The following SLC24A2 variants were observed in gnomAD, a reference collection of about 807,000 sequenced individuals.
SLC24A2 encodes the protein solute carrier family 24 member 2.
In SLC24A2, 36 loss-of-function variants were observed where a neutral mutation model predicts 62.0. The ratio of observed to expected loss-of-function variants is 0.58; its 90% confidence interval spans 0.44 to 0.77. The LOEUF (loss-of-function observed/expected upper bound fraction) is 0.77, where lower values mean the gene tolerates loss of function less well. SLC24A2 is among the 30% of genes least tolerant of loss of function. SLC24A2 has a pLI of 0.00. For missense variants in SLC24A2, 846 were observed against 817.9 expected, an observed-to-expected ratio of 1.03 and a Z score of -0.42; for synonymous variants, 358 against 294.0, an observed-to-expected ratio of 1.22 and a Z score of -2.23.
chr9:19,722,629 T>A (rs1199545461), intron 2 of SLC24A2, among the ~76,000 whole-genome samples: 1 of 145,882 alleles, frequency 6.9e-6, no homozygotes, highest in Non-Finnish European at 1.5e-5. Flanking sequence ...GTGAATTAGG[T>A]TCTCTGGGAA....
chr9:19,780,275 CTTTTTT>C (rs10645333), intron 2 of SLC24A2, among the ~76,000 whole-genome samples: 1 of 147,026 alleles, frequency 6.8e-6, no homozygotes, highest in South Asian at 2.2e-4. Context: ...TTTTCTTTTT[CTTTTTT>C]TTTTGAGATG....
At chr9:20,186,155 GA>G in the SLC24A2 span, among the ~76,000 whole-genome samples, 9 of 152,218 alleles carry the variant, frequency 5.9e-5, no homozygotes, top group East Asian at 1.7e-3. Flanking sequence ...TAATAGGGGG[GA>G]CTCTTTAGGA....
intron 2 of SLC24A2, among the ~76,000 whole-genome samples, chr9:19,748,944 G>T (rs763247085): frequency 6.6e-6 from 1 of 151,694 alleles, no homozygotes; most frequent in Admixed American, 6.6e-5. Context: ...ACAGGTTGCT[G>T]TACCAGATTG....
chr9:20,197,427 C>CTTTTTTTTT, the SLC24A2 span, among the ~76,000 whole-genome samples: 10 of 93,154 alleles, frequency 1.1e-4, no homozygotes, highest in African/African-American at 1.8e-4. Flanking sequence ...CTCTCTCTCT[C>CTTTTTTTTT]TTTTTTTTTT....
chr9:20,195,274 A>G, the SLC24A2 span, among the ~76,000 whole-genome samples: 2 of 152,090 alleles, frequency 1.3e-5, no homozygotes, highest in African/African-American at 2.4e-5. Flanking sequence ...ACTATTATTT[A>G]TACACACATT....
At chr9:19,889,466 T>TC in the SLC24A2 span, among the ~76,000 whole-genome samples, 2 of 117,364 alleles carry the variant, frequency 1.7e-5, no homozygotes, top group Non-Finnish European at 3.6e-5. Context: ...CCTTAGTAGT[T>TC]CCAAAACAGT....
chr9:19,574,093 G>A (rs1358882950), intron 6 of SLC24A2, among the ~76,000 whole-genome samples: 3 of 152,062 alleles, frequency 2.0e-5, no homozygotes, highest in Admixed American at 6.5e-5. Context: ...AAGAGGGTTC[G>A]ACAGGTTGAC....
chr9:20,213,832 T>C, the SLC24A2 span, among the ~76,000 whole-genome samples: 1 of 152,246 alleles, frequency 6.6e-6, no homozygotes, highest in South Asian at 2.1e-4. Context: ...TTCTGCTTTA[T>C]ACTAGGTGCT....
chr9:19,612,272 A>C (rs1041591912), intron 4 of SLC24A2, among the ~76,000 whole-genome samples: 1 of 152,220 alleles, frequency 6.6e-6, no homozygotes, highest in Non-Finnish European at 1.5e-5. Context: ...TTTAACTGGC[A>C]CTTATTCTCT....
chr9:19,776,448 T>C (rs1399708264), intron 2 of SLC24A2, among the ~76,000 whole-genome samples: 1 of 152,236 alleles, frequency 6.6e-6, no homozygotes, highest in Non-Finnish European at 1.5e-5. Flanking sequence ...CTGCCTACTT[T>C]TCAAATCCCT....
At chr9:20,299,623 G>C in the SLC24A2 span, among the ~76,000 whole-genome samples, 56 of 152,318 alleles carry the variant, frequency 3.7e-4, no homozygotes, top group South Asian at 0.011. Context: ...TGAAGACCCA[G>C]AGTGATCCAT....
chr9:20,161,538 G>C, the SLC24A2 span, among the ~76,000 whole-genome samples: 1 of 151,128 alleles, frequency 6.6e-6, no homozygotes, highest in Non-Finnish European at 1.5e-5. Flanking sequence ...TATCAAGTGA[G>C]GTTTATCTAA....
chr9:20,076,204 G>C, the SLC24A2 span, among the ~76,000 whole-genome samples: 2 of 152,108 alleles, frequency 1.3e-5, no homozygotes, highest in Admixed American at 6.6e-5. Flanking sequence ...CTGAGCAAAA[G>C]AGTCAAAGCA....
In SLC24A2 at chr9:19,783,189, T is replaced by C. The variant is rs114258608; in HGVS notation, c.930+2748A>G. ...CCTATGAAGCAAGTAGTTTCAAGGA[T>C]ATTCACTGCCTAGAGCCCAGCAGAG... On this transcript the variant is annotated intron_variant, in intron 2 of 10. Transcript: ENST00000341998. 6.0e-3 allele frequency among the ~76,000 whole-genome samples: 915 copies of C among 152,326 alleles called. 10 individuals are homozygous for C. Among genetic ancestry groups the C allele is most frequent in the African/African-American group, 0.02 (843 of 41,576 alleles).
At chr9:20,044,443 G>A in the SLC24A2 span, among the ~76,000 whole-genome samples, 2 of 152,220 alleles carry the variant, frequency 1.3e-5, no homozygotes, top group African/African-American at 4.8e-5. Context: ...GCATGGGGAG[G>A]GCAGGGAGGA....
chr9:19,558,037 A>C (rs1036698677), intron 7 of SLC24A2, among the ~76,000 whole-genome samples: 2 of 152,096 alleles, frequency 1.3e-5, no homozygotes, highest in African/African-American at 2.4e-5. Context: ...AGGCTGACTC[A>C]AGTGATCCTC....
At chr9:20,240,121 G>A in the SLC24A2 span, among the ~76,000 whole-genome samples, 1 of 152,244 alleles carries the variant, frequency 6.6e-6, no homozygotes, top group East Asian at 1.9e-4. Flanking sequence ...ATGTCTCTGG[G>A]GCCTGGTGGG....
intron 2 of SLC24A2, among the ~76,000 whole-genome samples, chr9:19,660,941 T>A (rs568626518): frequency 9.2e-5 from 14 of 152,328 alleles, no homozygotes; most frequent in Middle Eastern, 3.4e-3. Flanking sequence ...TACTAATAAA[T>A]GGCTCATAAC....
intron 2 of SLC24A2, among the ~76,000 whole-genome samples, chr9:19,758,646 T>G (rs183055818): frequency 9.2e-5 from 14 of 152,204 alleles, no homozygotes; most frequent in African/African-American, 3.1e-4. Context: ...ATAGGAGTAG[T>G]GTATATTTGA....
Sources: allele counts gnomAD v4.1 joint callset (sites outside exome capture counted in the v4.1 genomes callset), GRCh38; gene constraint gnomAD v4.1.1; transcripts MANE v1.5; gene names NCBI Gene and HGNC (gene_info 2026-07-23, HGNC 2026-07-21).